The following ZFPM2 variants were observed in gnomAD, a reference collection of about 807,000 sequenced individuals.
The protein encoded by ZFPM2 is zinc finger protein ZFPM2.
Under a neutral mutation model 98.6 loss-of-function variants are expected in ZFPM2, and 20 were observed. That is an observed-to-expected ratio of 0.20 (90% CI 0.14 to 0.29). The LOEUF is 0.29. Among genes scored for constraint, ZFPM2 ranks in the 10% least tolerant of loss-of-function variants. ZFPM2 has a pLI of 1.00. For synonymous variants in ZFPM2, 518 were observed against 502.7 expected, an observed-to-expected ratio of 1.03 and a Z score of -0.41; for missense variants, 1,310 against 1,388.6, an observed-to-expected ratio of 0.94 and a Z score of 0.90.
intron 5 of ZFPM2, among the ~76,000 whole-genome samples, chr8:105,777,022 A>G (rs924316739): frequency 4.6e-5 from 7 of 152,194 alleles, no homozygotes; most frequent in African/African-American, 7.2e-5. Context: ...TGGTTACTCA[A>G]TTAAAGTCTT....
intron 1 of ZFPM2, among the ~76,000 whole-genome samples, chr8:105,416,648 T>G (rs1176773961): frequency 6.6e-6 from 1 of 151,928 alleles, no homozygotes; most frequent in African/African-American, 2.4e-5. Context: ...TTGTAATTTC[T>G]GTTATAACTG....
At chr8:105,700,843 C>T (rs200660971) in intron 5 of ZFPM2, among the ~76,000 whole-genome samples, 3 of 152,104 alleles carry the variant, frequency 2.0e-5, no homozygotes, top group African/African-American at 7.2e-5. Flanking sequence ...ATCCAGCCAC[C>T]GCCTCCCAAA....
chr8:105,363,284 A>G (rs566712258), intron 1 of ZFPM2, among the ~76,000 whole-genome samples: 10 of 152,234 alleles, frequency 6.6e-5, no homozygotes, highest in Non-Finnish European at 5.9e-5. Context: ...TTAATAGAAA[A>G]CATTTTTATC....
At chr8:105,723,688 G>T (rs1211366902) in intron 5 of ZFPM2, among the ~76,000 whole-genome samples, 1 of 151,756 alleles carries the variant, frequency 6.6e-6, no homozygotes, top group South Asian at 2.1e-4. Context: ...TCCCTTCAAG[G>T]CTCGGGGGTT....
chr8:105,580,844 T>TATATATATAA (rs537301301), intron 4 of ZFPM2, among the ~76,000 whole-genome samples: 3 of 148,746 alleles, frequency 2.0e-5, no homozygotes, highest in South Asian at 2.1e-4. Flanking sequence ...TATATATATA[T>TATATATATAA]AAATCACTGA....
At chr8:105,663,658 A>G (rs1369705572) in intron 5 of ZFPM2, among the ~76,000 whole-genome samples, 1 of 152,238 alleles carries the variant, frequency 6.6e-6, no homozygotes, top group East Asian at 1.9e-4. Context: ...CATTGAATGT[A>G]TGCGTCAGTC....
Position 105,676,544 on chromosome 8 carries a change from T to G in ZFPM2, c.532+42187T>G, listed in dbSNP as rs76421820. ...TTTGACTGTTTCAGCGTCAGCATTC[T>G]TTTCATCTGTTTTGTTGAAAAAAAG... On this transcript the variant is annotated intron_variant, in intron 5 of 7. Transcript: ENST00000407775. Among the ~76,000 whole-genome samples, 157 of 152,242 alleles carry G rather than the reference T, an allele frequency of 1.0e-3. 4 individuals are homozygous for G. In the East Asian group the frequency reaches 0.029, roughly 28 times the overall value.
intron 2 of ZFPM2, among the ~76,000 whole-genome samples, chr8:105,420,589 A>G (rs1254864893): frequency 6.6e-6 from 1 of 152,210 alleles, no homozygotes; most frequent in African/African-American, 2.4e-5. Context: ...TGAGAAAAGT[A>G]TGAACAGAAT....
At chr8:105,726,746 G>A (rs552993018) in intron 5 of ZFPM2, among the ~76,000 whole-genome samples, 1 of 151,680 alleles carries the variant, frequency 6.6e-6, no homozygotes, top group African/African-American at 2.4e-5. Context: ...GATAAGTGTG[G>A]CAGGATGTGA....
chr8:105,408,686 T>A (rs1486456369), intron 1 of ZFPM2, among the ~76,000 whole-genome samples: 2 of 152,032 alleles, frequency 1.3e-5, no homozygotes, highest in African/African-American at 4.8e-5. Flanking sequence ...GTGAGGATTT[T>A]TTTTTTCTGG....
intron 5 of ZFPM2, among the ~76,000 whole-genome samples, chr8:105,781,261 T>C (rs909136121): frequency 2.0e-5 from 3 of 150,082 alleles, no homozygotes; most frequent in African/African-American, 7.6e-5. Flanking sequence ...ATGCCCTTTT[T>C]AATGTCCAGC....
chr8:105,548,391 T>C (rs1814761963), intron 3 of ZFPM2, among the ~76,000 whole-genome samples: 1 of 152,174 alleles, frequency 6.6e-6, no homozygotes, highest in South Asian at 2.1e-4. Context: ...TTTAGACTAT[T>C]TTGTCCAAAA....
At chr8:105,522,286 C>A (rs1024721685) in intron 3 of ZFPM2, among the ~76,000 whole-genome samples, 8 of 152,098 alleles carry the variant, frequency 5.3e-5, no homozygotes, top group Non-Finnish European at 8.8e-5. Context: ...ACAGGCATTA[C>A]TTATATAAAA....
intron 5 of ZFPM2, among the ~76,000 whole-genome samples, chr8:105,720,906 G>C (rs935091515): frequency 6.6e-6 from 1 of 151,954 alleles, no homozygotes; most frequent in Non-Finnish European, 1.5e-5. Context: ...CATCCACCTT[G>C]CTGCATCTGT....
intron 1 of ZFPM2, among the ~76,000 whole-genome samples, chr8:105,345,425 C>CTTTTTTTTTTTT (rs10560485): frequency 2.0e-5 from 2 of 98,360 alleles, no homozygotes; most frequent in Non-Finnish European, 2.0e-5. Context: ...TCGTGATGTT[C>CTTTTTTTTTTTT]TTTTTTTTTT....
intron 3 of ZFPM2, among the ~76,000 whole-genome samples, chr8:105,490,909 A>AT (rs1813343976): frequency 6.6e-6 from 1 of 152,202 alleles, no homozygotes; most frequent in Non-Finnish European, 1.5e-5. Context: ...AAAGGACAAT[A>AT]TTTAAAAATA....
chr8:105,582,280 A>G (rs1325534603), intron 4 of ZFPM2, among the ~76,000 whole-genome samples: 1 of 152,174 alleles, frequency 6.6e-6, no homozygotes, highest in African/African-American at 2.4e-5. Context: ...AGAATGAAAG[A>G]CTGTCTTCAG....
intron 4 of ZFPM2, among the ~76,000 whole-genome samples, chr8:105,571,662 C>G (rs940042844): frequency 6.6e-6 from 1 of 152,196 alleles, no homozygotes; most frequent in Non-Finnish European, 1.5e-5. Flanking sequence ...GACTTAGCAT[C>G]AATCTCAGCT....
At chr8:105,333,401 C>T (rs185399238) in intron 1 of ZFPM2, among the ~76,000 whole-genome samples, 139 of 151,796 alleles carry the variant, frequency 9.2e-4, no homozygotes, top group Admixed American at 2.0e-3. Flanking sequence ...CTCATGAGAT[C>T]GTCTTTGGTA....
Sources: allele counts gnomAD v4.1 joint callset (sites outside exome capture counted in the v4.1 genomes callset), GRCh38; gene constraint gnomAD v4.1.1; transcripts MANE v1.5; gene names NCBI Gene and HGNC (gene_info 2026-07-23, HGNC 2026-07-21).